Variants in ANKRD30A observed in about 807,000 individuals in gnomAD.
ANKRD30A encodes ankyrin repeat domain-containing protein 30A.
In ANKRD30A, 170 loss-of-function variants were observed where a neutral mutation model predicts 166.3. That is an observed-to-expected ratio of 1.02 (90% CI 0.90 to 1.16). The LOEUF (loss-of-function observed/expected upper bound fraction) is 1.16, where lower values mean the gene tolerates loss of function less well. Ranked by LOEUF, ANKRD30A falls within the 50% of genes most tolerant of loss-of-function variation. The probability of loss-of-function intolerance (pLI) is 0.00; values close to 1 mark genes in which losing one functional copy is unlikely to be tolerated. For synonymous variants in ANKRD30A, 564 were observed against 508.9 expected, an observed-to-expected ratio of 1.11 and a Z score of -1.46; for missense variants, 1,630 against 1,518.0, an observed-to-expected ratio of 1.07 and a Z score of -1.23.
At chr10:37,167,981 GC>G (rs1165802566) in intron 19 of ANKRD30A, among the ~76,000 whole-genome samples, 1 of 80,102 alleles carries the variant, frequency 1.2e-5, no homozygotes, top group Non-Finnish European at 2.4e-5. Flanking sequence ...TTCAGCTTTT[GC>G]ATTTATTTTC....
intron 34 of ANKRD30A, among the ~76,000 whole-genome samples, chr10:37,228,280 C>T (rs1240587355): frequency 1.3e-5 from 2 of 151,800 alleles, no homozygotes; most frequent in Non-Finnish European, 2.9e-5. Context: ...CATTGTGGTA[C>T]AACATAAAGA....
At chr10:37,257,945 T>C in the ANKRD30A span, among the ~76,000 whole-genome samples, 2 of 152,030 alleles carry the variant, frequency 1.3e-5, no homozygotes, top group Non-Finnish European at 2.9e-5. Flanking sequence ...GAGGGAAACA[T>C]CACACTCTGT....
intron 32 of ANKRD30A, among the ~76,000 whole-genome samples, chr10:37,217,144 T>C (rs1842645042): frequency 6.6e-6 from 1 of 150,926 alleles, no homozygotes; most frequent in Non-Finnish European, 1.5e-5. Context: ...GTTTAAAGCA[T>C]TACTCAAAAA....
intron 24 of ANKRD30A, among the ~76,000 whole-genome samples, chr10:37,183,478 G>A: frequency 6.8e-6 from 1 of 146,760 alleles, no homozygotes; most frequent in South Asian, 2.2e-4. Context: ...GTCTGAAGTT[G>A]CACCTCTGAG....
Position 37,217,737 on chromosome 10 carries a change from T to C in ANKRD30A, c.3126T>C (p.Asp1042=), listed in dbSNP as rs1369230624. 1.3e-6 allele frequency: 2 copies of C among 1,593,384 alleles called. No individual in the cohort carries two copies. Among genetic ancestry groups the C allele is most frequent in the African/African-American group, 1.4e-5 (1 of 73,336 alleles). Residue 1042 remains aspartate, a synonymous_variant, in exon 33 of 36, where the codon GAT becomes GAC. Coordinates refer to ENST00000361713, the MANE Select transcript of ANKRD30A (RefSeq NM_052997.3). The stretch of plus-strand genomic sequence containing the variant: ...AAGAAGAGAAGAGAAGAAATGCCGA[T>C]ATATTAAATGAAAAAATTAGGGAAG... ...NQEEEKRRNA[D]ILNEKIREEL... is the part of the protein sequence containing the mutation.
intron 30 of ANKRD30A, 63 bp downstream of exon 30, chr10:37,199,851 A>C (rs1169565950): frequency 9.7e-7 from 1 of 1,026,036 alleles, no homozygotes; most frequent in African/African-American, 1.7e-5. Flanking sequence ...ATAAAATCAG[A>C]TGCTTAGACT....
chr10:37,190,783 C>T (rs1406715032), intron 25 of ANKRD30A, among the ~76,000 whole-genome samples: 1 of 151,616 alleles, frequency 6.6e-6, no homozygotes, highest in Non-Finnish European at 1.5e-5. Flanking sequence ...CTCAGTGACT[C>T]ATTAATAATC....
the ANKRD30A span, chr10:37,240,996 T>G: frequency 2.6e-5 from 4 of 152,144 alleles, no homozygotes; most frequent in African/African-American, 9.6e-5. Flanking sequence ...TAATGATAAT[T>G]ATTTCAATGC....
rs930357367 is a variant in ANKRD30A, at chr10:37,219,767, T to C, written c.4055T>C (p.Ile1352Thr). 3.1e-6 allele frequency: 5 copies of C among 1,608,190 alleles called. No individual in the cohort carries two copies. The highest frequency in any genetic ancestry group is 4.2e-6 in the Non-Finnish European group (5 of 1,176,556). Residue 1352 changes from isoleucine to threonine, a missense_variant, in exon 34 of 36, where the codon ATT (isoleucine) becomes ACT (threonine). By Grantham distance (89) the Ile-to-Thr change is moderately conservative. This residue lies in a region of ANKRD30A where 712 missense variants were observed against 629.3 expected (regional missense o/e 1.13). Transcript: ENST00000361713. ...GCTGACAACAAAAGCAAGATAACAA[T>C]TGATATTCATTTTCTTGAGAGGAAA... ...KKADNKSKIT[I>T]DIHFLERKMQ...
intron 15 of ANKRD30A, among the ~76,000 whole-genome samples, chr10:37,159,163 G>A (rs1838631718): frequency 6.6e-6 from 1 of 152,124 alleles, no homozygotes; most frequent in African/African-American, 2.4e-5. Context: ...GTAATGAATT[G>A]CCTAGAGATA....
At chr10:37,159,298 G>A (rs964545218) in intron 15 of ANKRD30A, among the ~76,000 whole-genome samples, 1 of 152,072 alleles carries the variant, frequency 6.6e-6, no homozygotes, top group African/African-American at 2.4e-5. Flanking sequence ...GGGCAGATAA[G>A]TTAAGGTCAG....
At chr10:37,167,240 C>T (rs574980067) in intron 19 of ANKRD30A, among the ~76,000 whole-genome samples, 1 of 148,054 alleles carries the variant, frequency 6.8e-6, no homozygotes, top group East Asian at 2.0e-4. Context: ...TAGAATTGGA[C>T]TAAACCTCAG....
In ANKRD30A at chr10:37,160,608, CT is replaced by C. The variant is rs1001050686; in HGVS notation, c.1900+2030del. On this transcript the variant is annotated intron_variant, in intron 15 of 35. Transcript: ENST00000361713. ...ACCTCTGAGTCTTTTTTCTCTTTCT[CT>C]TTTTTTTAAAAAAATATAAATCAAA... Among the ~76,000 whole-genome samples the C allele has an allele frequency of 4.0e-5, 6 of 151,848 alleles. No individual in the cohort carries two copies. The East Asian group carries it at 5.8e-4, about 15-fold the overall frequency.
chr10:37,259,880 G>A, the ANKRD30A span, among the ~76,000 whole-genome samples: 3 of 152,172 alleles, frequency 2.0e-5, no homozygotes, highest in African/African-American at 7.2e-5. Flanking sequence ...ATTTCCCAGT[G>A]CAGGTGTGGT....
the ANKRD30A span, chr10:37,262,440 C>T: frequency 6.5e-6 from 1 of 154,526 alleles, no homozygotes; most frequent in Non-Finnish European, 1.5e-5. Context: ...GAAAATAACT[C>T]ACTCAGAATA....
At chr10:37,160,672 TAC>T (rs1422236268) in intron 15 of ANKRD30A, among the ~76,000 whole-genome samples, 1 of 152,208 alleles carries the variant, frequency 6.6e-6, no homozygotes, top group African/African-American at 2.4e-5. Flanking sequence ...AAGAATTGGT[TAC>T]AGATTCATTC....
chr10:37,262,266 A>C, the ANKRD30A span, among the ~76,000 whole-genome samples: 1 of 152,200 alleles, frequency 6.6e-6, no homozygotes, highest in Non-Finnish European at 1.5e-5. Context: ...ATTTATGAGA[A>C]GGTCCATCAC....
the ANKRD30A span, among the ~76,000 whole-genome samples, chr10:37,239,836 C>G: frequency 6.6e-6 from 1 of 152,016 alleles, no homozygotes; most frequent in African/African-American, 2.4e-5. Context: ...TAGGTATAGT[C>G]TCTGAAAGTA....
At chr10:37,129,000 G>A (rs904857679) in intron 1 of ANKRD30A, among the ~76,000 whole-genome samples, 17 of 152,082 alleles carry the variant, frequency 1.1e-4, no homozygotes, top group Non-Finnish European at 2.4e-4. Flanking sequence ...AATAAGATGA[G>A]CCATACCTAT....
Sources: gnomAD v4.1 joint callset for allele counts (sites outside exome capture counted in the v4.1 genomes callset) on GRCh38, gnomAD v4.1.1 for gene constraint, gnomAD v4.1.1 regional missense constraint, MANE v1.5 for transcripts, NCBI Gene and HGNC (gene_info 2026-07-23, HGNC 2026-07-21) for gene names.